SERPINB7: variants seen among roughly 807,000 people sequenced by gnomAD.
SERPINB7 encodes serpin B7.
In SERPINB7, 31 loss-of-function variants were observed where a neutral mutation model predicts 37.4. The ratio of observed to expected loss-of-function variants is 0.83; its 90% CI spans 0.62 to 1.12. SERPINB7 has a LOEUF of 1.12. SERPINB7 is among the 50% of genes most tolerant of loss of function. The probability of loss-of-function intolerance (pLI) is 0.00; values close to 1 mark genes in which losing one functional copy is unlikely to be tolerated. For missense variants in SERPINB7, 521 were observed against 455.3 expected, an observed-to-expected ratio of 1.14 and a Z score of -1.31; for synonymous variants, 163 against 166.1, an observed-to-expected ratio of 0.98 and a Z score of 0.14.
chr18:63,797,982 T>C (rs1331670918), intron 5 of SERPINB7, among the ~76,000 whole-genome samples: 6 of 152,198 alleles, frequency 3.9e-5, no homozygotes, highest in African/African-American at 1.4e-4. Context: ...AAAAGTTGGG[T>C]GACTTTAATC....
At chr18:63,782,015 AT>A (rs1353399579) in intron 1 of SERPINB7, among the ~76,000 whole-genome samples, 2 of 152,206 alleles carry the variant, frequency 1.3e-5, no homozygotes, top group East Asian at 3.8e-4. Flanking sequence ...AGACTGTCTA[AT>A]ATTGTAATAT....
rs1156386560 is a variant in SERPINB7 at position 63,804,507 on chromosome 18, G to A, written c.1015G>A (p.Ala339Thr). Residue 339 changes from alanine to threonine, a missense_variant, in exon 8 of 8, where the codon GCC becomes ACC. Physicochemically the swap from Ala to Thr is moderately conservative, Grantham distance 58. Coordinates refer to ENST00000398019, the MANE Select transcript of SERPINB7 (RefSeq NM_003784.4). ...TGAGGAGGGCACCGAGGCTACTGCT[G>A]CCACAGGAAGTAATATTGTAGAAAA... is the stretch of plus-strand genomic sequence containing the variant. ...VTEEGTEATA[A>T]TGSNIVEKQL... 2 of 1,613,782 alleles carry A rather than the reference G, an allele frequency of 1.2e-6. No individual in the cohort carries two copies. Among genetic ancestry groups the A allele is most frequent in the Non-Finnish European group, 1.7e-6 (2 of 1,179,872 alleles).
At chr18:63,757,073 G>GT (rs912314476) in intron 1 of SERPINB7, among the ~76,000 whole-genome samples, 17 of 151,404 alleles carry the variant, frequency 1.1e-4, no homozygotes, top group African/African-American at 3.6e-4. Context: ...AGAGTTGTTT[G>GT]TTTTTTTTCT....
intron 2 of SERPINB7, among the ~76,000 whole-genome samples, chr18:63,783,203 AGAGAGAGAGAGAGAGAGAGAG>A (rs1472485325): frequency 1.3e-5 from 1 of 79,248 alleles, no homozygotes; most frequent in African/African-American, 5.4e-5. Context: ...AGAGAGAGAG[AGAGAGAGAGAGAGAGAGAGAG>A]AGAGAGAGAG....
chr18:63,771,956 G>T (rs1229458606), upstream of SERPINB7, among the ~76,000 whole-genome samples: 1 of 151,424 alleles, frequency 6.6e-6, no homozygotes, highest in African/African-American at 2.4e-5. Context: ...TATTTCAGCT[G>T]CTTCTTTTTT....
At chr18:63,790,732 GAGAA>G in intron 2 of SERPINB7, among the ~76,000 whole-genome samples, 1 of 152,276 alleles carries the variant, frequency 6.6e-6, no homozygotes, top group African/African-American at 2.4e-5. Flanking sequence ...GAGGGAAGGG[GAGAA>G]AGAAAGAGTT....
upstream of SERPINB7, among the ~76,000 whole-genome samples, chr18:63,772,551 ATAAAATAATTTAGGAGGTGAAATGGGAC>A (rs1469479448): frequency 3.9e-5 from 6 of 152,264 alleles, no homozygotes; most frequent in African/African-American, 1.4e-4. Context: ...AAACGTGATG[ATAAAATAATTTAGGAGGTGAAATGGGAC>A]CAATTACTGC....
At chr18:63,793,337 A>G in intron 4 of SERPINB7, 60 bp downstream of exon 4, 1 of 881,426 alleles carries the variant, frequency 1.1e-6, no homozygotes, top group Non-Finnish European at 1.8e-6. Context: ...TATCTGAACA[A>G]AGGCTTGTGT....
chr18:63,783,213 AGAGAGAGAGAGAGAGAGAG>A (rs1568207670), intron 2 of SERPINB7, among the ~76,000 whole-genome samples: 468 of 77,874 alleles, frequency 6.0e-3, no homozygotes, highest in East Asian at 0.024. Flanking sequence ...AGAGAGAGAG[AGAGAGAGAGAGAGAGAGAG>A]AGAAAGAAAG....
At chr18:63,789,396 C>T (rs962936678) in intron 2 of SERPINB7, among the ~76,000 whole-genome samples, 1 of 152,128 alleles carries the variant, frequency 6.6e-6, no homozygotes, top group Admixed American at 6.6e-5. Context: ...TAGGATGAAA[C>T]AATTATAATG....
intron 5 of SERPINB7, 85 bp from the exon 6 acceptor site, chr18:63,798,519 A>G (rs575876885): frequency 9.2e-7 from 1 of 1,089,764 alleles, no homozygotes; most frequent in African/African-American, 1.6e-5. Context: ...TAAGAAAAAA[A>G]CTTCATACCA....
chr18:63,794,707 TAAACAAAA>T (rs1448404325), intron 4 of SERPINB7, among the ~76,000 whole-genome samples: 2 of 135,322 alleles, frequency 1.5e-5, no homozygotes, highest in African/African-American at 5.7e-5. Flanking sequence ...AAAAAACAAA[TAAACAAAA>T]AAACAAAAAA....
intron 1 of SERPINB7, among the ~76,000 whole-genome samples, chr18:63,767,579 G>T (rs143350102): frequency 2.6e-5 from 4 of 152,172 alleles, no homozygotes; most frequent in Non-Finnish European, 4.4e-5. Context: ...TTCTAATATT[G>T]AACCAGCCTT....
rs149456223 is a variant in SERPINB7 at position 63,760,316 on chromosome 18, A to G, written c.-19+7196A>G. 1.2e-4 allele frequency among the ~76,000 whole-genome samples: 18 copies of G among 152,228 alleles called. No homozygotes were observed. In the East Asian group the frequency reaches 3.5e-3, roughly 29 times the overall value. On this transcript the variant is annotated intron_variant, in intron 1 of 7. Transcript: ENST00000336429. ...TTGAACTTGAAAATGATGATTTAGG[A>G]TATCTGGTGGAAGAAATTTCTAAGG...
chr18:63,767,553 A>T (rs1484280257), intron 1 of SERPINB7, among the ~76,000 whole-genome samples: 1 of 152,118 alleles, frequency 6.6e-6, no homozygotes, highest in African/African-American at 2.4e-5. Flanking sequence ...GTGTTAATAG[A>T]TTATACTAAC....
intron 4 of SERPINB7, among the ~76,000 whole-genome samples, chr18:63,793,672 T>A (rs183512177): frequency 6.6e-6 from 1 of 152,214 alleles, no homozygotes; most frequent in East Asian, 1.9e-4. Flanking sequence ...GCCCAGCTAA[T>A]TTTTTTGTTG....
At chr18:63,774,882 G>A (rs2049233793), upstream of SERPINB7, among the ~76,000 whole-genome samples, 1 of 152,080 alleles carries the variant, frequency 6.6e-6, no homozygotes, top group African/African-American at 2.4e-5. Flanking sequence ...ATGGAAAGCA[G>A]TACAAAGAGA....
In SERPINB7 at chr18:63,805,184, A is replaced by C. The variant is rs2049595053; in HGVS notation, c.*549A>C. On this transcript the variant is annotated 3_prime_UTR_variant, in exon 8 of 8. Transcript: ENST00000398019. ...TGAAATTGGGATTAGGGACCAACCA[A>C]AATATTTCATTAATGCTTTCAATTG... is the stretch of plus-strand genomic sequence containing the variant. The C allele has an allele frequency of 6.6e-6, 1 of 152,426 alleles. No individual in the cohort carries two copies. Among genetic ancestry groups the C allele is most frequent in the Non-Finnish European group, 1.5e-5 (1 of 68,210 alleles). The allele number at this position is 152,426 out of a possible 1,614,324, so 9.4% of individuals were successfully genotyped here. A position where few individuals can be genotyped will look rare whatever the true frequency, so the allele number is the denominator to read the frequency against.
chr18:63,797,318 A>G (rs2049498759), intron 5 of SERPINB7, among the ~76,000 whole-genome samples: 1 of 152,170 alleles, frequency 6.6e-6, no homozygotes, highest in African/African-American at 2.4e-5. Context: ...AATGCAGTGT[A>G]TAAATTTTCT....
Sources: gnomAD v4.1 joint callset for allele counts (sites outside exome capture counted in the v4.1 genomes callset) on GRCh38, gnomAD v4.1.1 for gene constraint, MANE v1.5 for transcripts, NCBI Gene and HGNC (gene_info 2026-07-23, HGNC 2026-07-21) for gene names.